The following NCOR2 variants were observed in gnomAD, a reference collection of about 807,000 sequenced individuals.
NCOR2 encodes the protein CTG repeat protein 26.
A neutral mutation model predicts 262.9 loss-of-function variants in NCOR2; 81 were observed. That is an observed-to-expected ratio of 0.31 (90% CI 0.26 to 0.37). The LOEUF (loss-of-function observed/expected upper bound fraction) is 0.37, where lower values mean the gene tolerates loss of function less well. Among genes scored for constraint, NCOR2 ranks in the 10% least tolerant of loss-of-function variants. NCOR2 has a pLI of 1.00. For synonymous variants in NCOR2, 1,659 were observed against 1,559.3 expected (o/e 1.06, Z -1.51); for missense variants, 3,385 against 3,621.4 (o/e 0.93, Z 1.68).
At chr12:124,518,532 C>T (rs558026340) in intron 1 of NCOR2, among the ~76,000 whole-genome samples, 3 of 152,360 alleles carry the variant, frequency 2.0e-5, no homozygotes, top group Non-Finnish European at 4.4e-5. Flanking sequence ...AACGAGACGT[C>T]GGGCCTCCAG....
rs2045929842 is a variant in NCOR2, at chr12:124,457,323, C to A, written c.706-161G>T. Among the ~76,000 whole-genome samples the A allele has an allele frequency of 6.6e-6, 1 of 151,626 alleles. No individual in the cohort carries two copies. The highest frequency in any genetic ancestry group is 2.4e-5 in the African/African-American group (1 of 41,262). On this transcript the variant is annotated intron_variant, in intron 5 of 46. Coordinates refer to ENST00000405201, the Ensembl canonical transcript of NCOR2. The surrounding 1 kb of genome is among the most constrained non-coding windows in gnomAD (Gnocchi z 4.0). The stretch of plus-strand genomic sequence containing the variant: ...CCCGGGGCCCCCTGCAGGCCCTCCC[C>A]ACGCTGGAAAAAAACACAGAGGAGC...
intron 8 of NCOR2, among the ~76,000 whole-genome samples, chr12:124,433,863 C>CACACACACACACACACACACAA (rs2044141513): frequency 1.7e-5 from 1 of 60,270 alleles, no homozygotes; most frequent in Non-Finnish European, 3.1e-5. Context: ...CACACACACA[C>CACACACACACACACACACACAA]ACACACACAC....
chr12:124,546,189 T>C (rs1343322214), intron 1 of NCOR2, among the ~76,000 whole-genome samples: 1 of 152,174 alleles, frequency 6.6e-6, no homozygotes, highest in Non-Finnish European at 1.5e-5. Flanking sequence ...AGCCTGCCTG[T>C]TTCCTCGCCG....
At chr12:124,489,659 C>CCT (rs60794598) in intron 1 of NCOR2, among the ~76,000 whole-genome samples, 25,268 of 152,122 alleles carry the variant, frequency 0.17, 2,218 homozygotes, top group Admixed American at 0.17. Context: ...GACCATGGCA[C>CCT]CTCTGAAGCT....
intron 41 of NCOR2, chr12:124,334,208 G>A (rs752121661): frequency 2.1e-6 from 1 of 486,766 alleles, no homozygotes; most frequent in Non-Finnish European, 3.6e-6. Flanking sequence ...GTGAGTGCCT[G>A]GAACCCACTG....
At chr12:124,428,226 C>T (rs1457752238) in intron 10 of NCOR2, among the ~76,000 whole-genome samples, 2 of 152,214 alleles carry the variant, frequency 1.3e-5, no homozygotes, top group Non-Finnish European at 2.9e-5. Context: ...AAGTGCACAG[C>T]ATCGGTGAGA....
rs1408950866 is a variant in NCOR2 at position 124,443,650 on chromosome 12, G to A, written c.816-5654C>T. On this transcript the variant is annotated intron_variant, in intron 7 of 46. Coordinates refer to ENST00000405201, the Ensembl canonical transcript of NCOR2. This position sits in a 1 kb window ranked among gnomAD's most constrained non-coding sequence, Gnocchi z 4.4. The stretch of plus-strand genomic sequence containing the variant: ...CCCAAGTAACTGGGGCTATAGGCAC[G>A]TGCCACTACGCCCAGCTAATTTTCG... 6.6e-6 allele frequency among the ~76,000 whole-genome samples: 1 copy of A among 152,058 alleles called. No homozygotes were observed. Among genetic ancestry groups the A allele is most frequent in the African/African-American group, 2.4e-5 (1 of 41,406 alleles).
chr12:124,513,161 G>C (rs2049510078), intron 1 of NCOR2: 3 of 152,286 alleles, frequency 2.0e-5, no homozygotes. Flanking sequence ...CCACAGAAAG[G>C]GCCCATTATG....
At chr12:124,512,732 C>T (rs572237991) in intron 1 of NCOR2, among the ~76,000 whole-genome samples, 2 of 152,330 alleles carry the variant, frequency 1.3e-5, no homozygotes, top group African/African-American at 4.8e-5. Context: ...TCAGCCGATG[C>T]CCAGGGGACC....
Position 124,363,701 on chromosome 12 carries a change from C to T in NCOR2, c.2906G>A (p.Arg969Gln), listed in dbSNP as rs1485314287. 1.0e-5 allele frequency: 14 copies of T among 1,398,918 alleles called. No homozygotes were observed. The highest frequency in any genetic ancestry group is 3.6e-5 in the South Asian group (2 of 54,974). The allele number at this position is 1,398,918 out of a possible 1,614,324, so 86.7% of individuals were successfully genotyped here. ...CACGATGGGGGGGATGGCAGCCGCTCGCTGCTTCAGCTGCTTCAGGTCCAG... is the reference window on the plus strand; with the variant it reads ...CACGATGGGGGGGATGGCAGCCGCTTGCTGCTTCAGCTGCTTCAGGTCCAG... Residue 969 changes from arginine to glutamine, a missense_variant, in exon 21 of 47, where the codon CGA becomes CAA. Physicochemically the swap from Arg to Gln is conservative, Grantham distance 43. Coordinates refer to ENST00000405201, the Ensembl canonical transcript of NCOR2.
At chr12:124,369,749 A>G (rs1370977290) in intron 20 of NCOR2, among the ~76,000 whole-genome samples, 2 of 151,932 alleles carry the variant, frequency 1.3e-5, no homozygotes, top group African/African-American at 2.4e-5. Flanking sequence ...GGACTCCTGC[A>G]CCCGGGGGCT....
intron 17 of NCOR2, among the ~76,000 whole-genome samples, chr12:124,383,064 C>T (rs1565894713): frequency 6.6e-6 from 1 of 152,184 alleles, no homozygotes; most frequent in Non-Finnish European, 1.5e-5. Flanking sequence ...ATCAATCAAT[C>T]GTGAGTGTGC....
intron 1 of NCOR2, among the ~76,000 whole-genome samples, chr12:124,515,700 T>A (rs73225455): frequency 1.3e-5 from 2 of 151,960 alleles, no homozygotes; most frequent in African/African-American, 4.8e-5. Context: ...CGTGTGCATG[T>A]TCGTGTGACT....
intron 28 of NCOR2, among the ~76,000 whole-genome samples, chr12:124,350,142 G>T (rs902833899): frequency 6.6e-6 from 1 of 152,178 alleles, no homozygotes; most frequent in African/African-American, 2.4e-5. Context: ...TCCTGGCAGG[G>T]TCTCCTCGTT....
At chr12:124,405,456 C>G (rs1459525334) in intron 13 of NCOR2, among the ~76,000 whole-genome samples, 1 of 152,236 alleles carries the variant, frequency 6.6e-6, no homozygotes, top group Non-Finnish European at 1.5e-5. Context: ...GGCCTAGGGC[C>G]CTGTGCACAG....
exon 22 of NCOR2, chr12:124,362,245 G>C: frequency 7.6e-7 from 1 of 1,318,620 alleles, no homozygotes; most frequent in Non-Finnish European, 9.7e-7. Flanking sequence ...TGGGGGAGCT[G>C]GCTTGGTGGG....
chr12:124,434,685 C>T (rs1246992656), intron 8 of NCOR2, among the ~76,000 whole-genome samples: 2 of 152,168 alleles, frequency 1.3e-5, no homozygotes, highest in African/African-American at 4.8e-5. Flanking sequence ...GTCAAGGAGG[C>T]GGCAAGATCG....
At chr12:124,325,191 G>A (rs754384306) in exon 47 of NCOR2, 6 of 358,680 alleles carry the variant, frequency 1.7e-5, no homozygotes, top group Non-Finnish European at 3.0e-5. Context: ...CCCTGAGTAA[G>A]GTCTGCACAG....
chr12:124,524,843 T>C (rs528764662), intron 1 of NCOR2, among the ~76,000 whole-genome samples: 69 of 151,672 alleles, frequency 4.5e-4, no homozygotes, highest in African/African-American at 1.6e-3. Flanking sequence ...CCACCCGCGA[T>C]AGCACTTGCT....
Sources: allele counts gnomAD v4.1 joint callset (sites outside exome capture counted in the v4.1 genomes callset), GRCh38; gene constraint gnomAD v4.1.1; non-coding constraint Gnocchi (gnomAD v3.1); transcripts MANE v1.5; gene names NCBI Gene and HGNC (gene_info 2026-07-23, HGNC 2026-07-21).